Variants in PCSK2 observed in about 807,000 individuals in gnomAD.
The protein encoded by PCSK2 is proprotein convertase subtilisin/kexin type 2.
In PCSK2, 14 loss-of-function variants were observed where a neutral mutation model predicts 69.7. That is an observed-to-expected ratio of 0.20 (90% confidence interval 0.13 to 0.31). PCSK2 has a LOEUF of 0.31. Among genes scored for constraint, PCSK2 ranks in the 10% least tolerant of loss-of-function variants. The pLI is 1.00. For synonymous variants in PCSK2, 307 were observed against 320.7 expected, an observed-to-expected ratio of 0.96 and a Z score of 0.46; for missense variants, 544 against 842.5, an observed-to-expected ratio of 0.65 and a Z score of 4.39.
At chr20:17,425,754 T>C (rs1341418583) in intron 6 of PCSK2, among the ~76,000 whole-genome samples, 2 of 152,192 alleles carry the variant, frequency 1.3e-5, no homozygotes, top group Non-Finnish European at 2.9e-5. Flanking sequence ...GGATGCAGAC[T>C]CCTTTCATCT....
chr20:17,245,102 C>T (rs747497101), intron 1 of PCSK2, among the ~76,000 whole-genome samples: 8 of 152,146 alleles, frequency 5.3e-5, no homozygotes, highest in Non-Finnish European at 1.2e-4. Flanking sequence ...CAAATAGAGA[C>T]AGTTTCCTCC....
At chr20:17,227,632 C>T in intron 1 of PCSK2, 150 bp downstream of exon 1, 1 of 624,450 alleles carries the variant, frequency 1.6e-6, no homozygotes, top group Non-Finnish European at 2.8e-6. Flanking sequence ...ATATTGCCTC[C>T]GGTGATCTTT....
intron 2 of PCSK2, among the ~76,000 whole-genome samples, chr20:17,318,341 T>C (rs1307027821): frequency 6.6e-6 from 1 of 152,186 alleles, no homozygotes. Context: ...TGTTACCGGC[T>C]CCTGATGAAT....
At chr20:17,340,840 C>A (rs1056554160) in intron 2 of PCSK2, among the ~76,000 whole-genome samples, 1 of 152,186 alleles carries the variant, frequency 6.6e-6, no homozygotes, top group African/African-American at 2.4e-5. Flanking sequence ...AAGCTTTACC[C>A]AAACCCAGAA....
intron 10 of PCSK2, among the ~76,000 whole-genome samples, chr20:17,457,929 T>C (rs2032950590): frequency 6.6e-6 from 1 of 152,198 alleles, no homozygotes; most frequent in African/African-American, 2.4e-5. Flanking sequence ...GGCACACAAA[T>C]GGAAGACCTA....
At chr20:17,338,327 G>A (rs1184761014) in intron 2 of PCSK2, among the ~76,000 whole-genome samples, 3 of 152,200 alleles carry the variant, frequency 2.0e-5, no homozygotes, top group East Asian at 3.9e-4. Flanking sequence ...CTCCTGAGTA[G>A]CTGGGATTAC....
At chr20:17,370,684 G>A (rs1023758080) in intron 5 of PCSK2, among the ~76,000 whole-genome samples, 6 of 152,106 alleles carry the variant, frequency 3.9e-5, no homozygotes, top group African/African-American at 1.2e-4. Flanking sequence ...AACATGAGTG[G>A]AGCTGTCTGC....
At chr20:17,293,120 C>A (rs147777074) in intron 2 of PCSK2, among the ~76,000 whole-genome samples, 1 of 152,266 alleles carries the variant, frequency 6.6e-6, no homozygotes, top group East Asian at 1.9e-4. Flanking sequence ...CCACCACACT[C>A]GGCCCTTATT....
At chr20:17,420,455 A>T (rs1160762523) in intron 6 of PCSK2, among the ~76,000 whole-genome samples, 1 of 152,154 alleles carries the variant, frequency 6.6e-6, no homozygotes, top group Admixed American at 6.6e-5. Context: ...CTACATCCAA[A>T]CCAGAGCACA....
At chr20:17,479,340 C>T (rs1175971016) in intron 11 of PCSK2, 1 of 750,576 alleles carries the variant, frequency 1.3e-6, no homozygotes, top group African/African-American at 1.7e-5. Flanking sequence ...ATCTTCACCA[C>T]CTAAAACCCC....
At chr20:17,439,431 C>T (rs1456449307) in intron 8 of PCSK2, among the ~76,000 whole-genome samples, 1 of 152,178 alleles carries the variant, frequency 6.6e-6, no homozygotes, top group East Asian at 1.9e-4. Flanking sequence ...CTCTTCCACC[C>T]CATTTTTCTC....
intron 2 of PCSK2, among the ~76,000 whole-genome samples, chr20:17,356,262 T>C (rs1252884452): frequency 1.3e-5 from 2 of 152,202 alleles, no homozygotes; most frequent in African/African-American, 4.8e-5. Flanking sequence ...ATTTTTCTAA[T>C]TATTTCACAT....
At chr20:17,229,828 C>T (rs1165535114) in intron 1 of PCSK2, among the ~76,000 whole-genome samples, 2 of 152,122 alleles carry the variant, frequency 1.3e-5, no homozygotes, top group Non-Finnish European at 2.9e-5. Context: ...TGCTACAGAC[C>T]ACAGTGAGCT....
chr20:17,236,496 C>A (rs965471559), intron 1 of PCSK2, among the ~76,000 whole-genome samples: 5 of 152,132 alleles, frequency 3.3e-5, no homozygotes, highest in Admixed American at 2.6e-4. Flanking sequence ...CATCCTGACA[C>A]TTTCTCTCAG....
intron 6 of PCSK2, among the ~76,000 whole-genome samples, chr20:17,416,693 A>T (rs1308289580): frequency 6.6e-6 from 1 of 152,228 alleles, no homozygotes; most frequent in Non-Finnish European, 1.5e-5. Context: ...AAGGATTATA[A>T]ATCATGCTAC....
At chr20:17,455,923 A>C (rs1321772924) in intron 9 of PCSK2, among the ~76,000 whole-genome samples, 1 of 152,154 alleles carries the variant, frequency 6.6e-6, no homozygotes, top group East Asian at 1.9e-4. Context: ...GTTTCATCTT[A>C]ATCTTCTTGG....
intron 8 of PCSK2, among the ~76,000 whole-genome samples, chr20:17,447,808 G>A (rs986555196): frequency 6.6e-6 from 1 of 152,108 alleles, no homozygotes; most frequent in Non-Finnish European, 1.5e-5. Context: ...TTATGGTGTA[G>A]AAGAGTATTT....
At chr20:17,450,931 GC>G (rs936924230) in intron 8 of PCSK2, among the ~76,000 whole-genome samples, 23 of 152,076 alleles carry the variant, frequency 1.5e-4, no homozygotes, top group African/African-American at 5.6e-4. Flanking sequence ...GCCAGCAACA[GC>G]CCCATCCCAT....
intron 1 of PCSK2, among the ~76,000 whole-genome samples, chr20:17,251,215 T>C (rs1738486863): frequency 6.6e-6 from 1 of 152,142 alleles, no homozygotes. Flanking sequence ...GAAAGCAAAA[T>C]ACAGCACACA....
Sources: allele counts gnomAD v4.1 joint callset (sites outside exome capture counted in the v4.1 genomes callset), GRCh38; gene constraint gnomAD v4.1.1; transcripts MANE v1.5; gene names NCBI Gene and HGNC (gene_info 2026-07-23, HGNC 2026-07-21).